STAMBPL1: variants seen among roughly 807,000 people sequenced by gnomAD.
STAMBPL1 encodes AMSH-like protease.
Under a neutral mutation model 52.9 loss-of-function variants are expected in STAMBPL1, and 44 were observed. The observed-to-expected ratio is 0.83, with a 90% CI of 0.65 to 1.07. The LOEUF (loss-of-function observed/expected upper bound fraction) is 1.07, where lower values mean the gene tolerates loss of function less well. Ranked by LOEUF, STAMBPL1 falls within the 50% of genes least tolerant of loss-of-function variation. STAMBPL1 has a pLI of 0.00. For synonymous variants in STAMBPL1, 164 were observed against 177.3 expected, an observed-to-expected ratio of 0.92 and a Z score of 0.60; for missense variants, 511 against 520.8, an observed-to-expected ratio of 0.98 and a Z score of 0.18.
At chr10:88,919,389 G>A (rs958497945) in intron 8 of STAMBPL1, among the ~76,000 whole-genome samples, 3 of 152,128 alleles carry the variant, frequency 2.0e-5, no homozygotes, top group East Asian at 1.9e-4. Flanking sequence ...GTAGAGTGAG[G>A]GAATGGGAGC....
intron 1 of STAMBPL1, among the ~76,000 whole-genome samples, chr10:88,889,589 A>G (rs1401344726): frequency 1.3e-5 from 2 of 152,184 alleles, no homozygotes; most frequent in African/African-American, 4.8e-5. Context: ...ACTTGTTGAA[A>G]AGATTTTTAA....
intron 1 of STAMBPL1, among the ~76,000 whole-genome samples, chr10:88,889,009 G>T (rs567087482): frequency 9.9e-5 from 15 of 152,218 alleles, no homozygotes; most frequent in Admixed American, 9.8e-4. Context: ...GAATACATTT[G>T]TATTCATATT....
intron 4 of STAMBPL1, among the ~76,000 whole-genome samples, chr10:88,910,610 A>G (rs1004103973): frequency 1.3e-5 from 2 of 152,214 alleles, no homozygotes; most frequent in African/African-American, 4.8e-5. Context: ...CTGCCTAAAA[A>G]TGGGGTACCA....
Position 88,905,660 on chromosome 10 carries a change from C to A in STAMBPL1, c.248C>A (p.Thr83Asn), listed in dbSNP as rs375576635. ...TTTGTTCTTTATAATAAATTTATAA[C>A]GTAAGTGTTTTAAAGGCCTCTGAAG... ...NAFVLYNKFI[T>N]LFVEKLPNHR... Residue 83 changes from threonine (T) to asparagine (N), a missense_variant and splice_region_variant, in exon 3 of 11, where the codon ACC (threonine) becomes AAC (asparagine). By Grantham distance (65) the Thr-to-Asn change is moderately conservative. Coordinates refer to ENST00000371926, the MANE Select transcript of STAMBPL1 (RefSeq NM_020799.4). 6.2e-7 allele frequency: 1 copy of A among 1,610,634 alleles called. No individual in the cohort carries two copies. Among genetic ancestry groups the A allele is most frequent in the East Asian group, 2.2e-5 (1 of 44,814 alleles).
chr10:88,919,434 A>G (rs1845449445), intron 8 of STAMBPL1, among the ~76,000 whole-genome samples: 1 of 152,184 alleles, frequency 6.6e-6, no homozygotes, highest in South Asian at 2.1e-4. Context: ...CCTAATTGGA[A>G]TGGACATAAT....
chr10:88,921,679 T>G (rs186787605), intron 9 of STAMBPL1, among the ~76,000 whole-genome samples: 1 of 152,200 alleles, frequency 6.6e-6, no homozygotes, highest in Non-Finnish European at 1.5e-5. Flanking sequence ...TTATTTCTAC[T>G]GTATTATGTT....
chr10:88,918,310 C>CACACACAT (rs1554839224), intron 8 of STAMBPL1, among the ~76,000 whole-genome samples: 9 of 149,624 alleles, frequency 6.0e-5, no homozygotes, highest in Admixed American at 1.3e-4. Flanking sequence ...CACACATACA[C>CACACACAT]ACACACACAC....
chr10:88,914,693 T>C, intron 7 of STAMBPL1, 35 bp downstream of exon 7: 1 of 969,580 alleles, frequency 1.0e-6, no homozygotes. Flanking sequence ...TATATATATA[T>C]ATCTGCATAG....
At chr10:88,921,489 G>A (rs983179946) in intron 9 of STAMBPL1, 94 bp downstream of exon 9, 15 of 965,662 alleles carry the variant, frequency 1.6e-5, no homozygotes, top group Non-Finnish European at 2.3e-5. Flanking sequence ...TACTTGGATT[G>A]GCAAGCACAC....
chr10:88,884,470 A>G (rs1208583495), intron 1 of STAMBPL1, among the ~76,000 whole-genome samples: 2 of 152,186 alleles, frequency 1.3e-5, no homozygotes, highest in Non-Finnish European at 2.9e-5. Context: ...TGGAGAGTGG[A>G]TTAGTATTAG....
intron 3 of STAMBPL1, among the ~76,000 whole-genome samples, chr10:88,908,075 G>T (rs1487868839): frequency 6.6e-6 from 1 of 152,152 alleles, no homozygotes; most frequent in Admixed American, 6.5e-5. Flanking sequence ...CTGCCTTTGT[G>T]GTAGCAGTTT....
chr10:88,922,143 G>A (rs1845528148), intron 9 of STAMBPL1, among the ~76,000 whole-genome samples, 194 bp from the exon 10 acceptor site: 3 of 151,992 alleles, frequency 2.0e-5, no homozygotes, highest in African/African-American at 7.2e-5. Flanking sequence ...GCTCTTAGCA[G>A]CAGCATTGCC....
rs1350932695 is a variant in STAMBPL1, at chr10:88,914,587, A to G, written c.832A>G (p.Lys278Glu). 2 of 1,540,174 alleles carry G rather than the reference A, an allele frequency of 1.3e-6. No homozygotes were observed. The highest frequency in any genetic ancestry group is 2.8e-5 in the African/African-American group (2 of 71,584). Residue 278 changes from lysine to glutamate, a missense_variant, in exon 7 of 11, where the codon AAA becomes GAA. Lys to Glu is a moderately conservative substitution (Grantham distance 56, BLOSUM62 1). Coordinates refer to ENST00000371926, the MANE Select transcript of STAMBPL1 (RefSeq NM_020799.4). ...AGTTTTGCCAGAAGATCTTTGCCAC[A>G]AATTTCTGCAACTGGCAGAATCTAA... ...CVVLPEDLCH[K>E]FLQLAESNTV...
chr10:88,908,270 A>C lies in STAMBPL1; in HGVS notation c.249-432A>C, dbSNP rs117430493. 1.2e-3 allele frequency among the ~76,000 whole-genome samples: 190 copies of C among 152,062 alleles called. No homozygotes were observed. The East Asian group carries it at 0.032, about 26-fold the overall frequency. On this transcript the variant is annotated intron_variant, in intron 3 of 10. Transcript: ENST00000371926. The stretch of plus-strand genomic sequence containing the variant: ...TTTTCGGTTAAGAGTTTTTTGATAC[A>C]CGATGGCGCTGCTGATTCATCAGTG...
At chr10:88,882,473 G>A (rs1419438330) in intron 1 of STAMBPL1, 3 of 152,204 alleles carry the variant, frequency 2.0e-5, no homozygotes, top group Non-Finnish European at 4.4e-5. Flanking sequence ...ACCCTTCCCA[G>A]CTGTAAGAAT....
At chr10:88,888,178 C>T (rs1325688235) in intron 1 of STAMBPL1, among the ~76,000 whole-genome samples, 1 of 151,950 alleles carries the variant, frequency 6.6e-6, no homozygotes. Context: ...TGGATTTGAT[C>T]AAAGGAAAGT....
At chr10:88,922,539 G>C (rs942707510) in intron 10 of STAMBPL1, 103 bp downstream of exon 10, 1 of 990,938 alleles carries the variant, frequency 1.0e-6, no homozygotes, top group African/African-American at 1.6e-5. Flanking sequence ...ATAAAATACT[G>C]TACTGCTTAG....
At position 88,913,909 on chromosome 10, in the gene STAMBPL1, A is replaced by G. The variant is rs1845300183; in HGVS notation, c.778+451A>G. On this transcript the variant is annotated intron_variant, in intron 6 of 10. Transcript: ENST00000371926. The stretch of plus-strand genomic sequence containing the variant: ...CTTGGACTGAGAGAATCTCATACAC[A>G]TAGATAATTAACCTCCAAATGGACC... Among the ~76,000 whole-genome samples, 3 of 152,206 alleles carry G rather than the reference A, an allele frequency of 2.0e-5. No homozygotes were observed. The South Asian group carries it at 6.2e-4, about 31-fold the overall frequency.
intron 1 of STAMBPL1, among the ~76,000 whole-genome samples, chr10:88,891,987 G>T (rs1382545910): frequency 6.6e-6 from 1 of 151,614 alleles, no homozygotes; most frequent in African/African-American, 2.4e-5. Context: ...GACATTTGAA[G>T]GTACAATGCT....
Sources: allele counts gnomAD v4.1 joint callset (sites outside exome capture counted in the v4.1 genomes callset), GRCh38; gene constraint gnomAD v4.1.1; transcripts MANE v1.5; gene names NCBI Gene and HGNC (gene_info 2026-07-23, HGNC 2026-07-21).